CSMD1: variants seen among roughly 807,000 people sequenced by gnomAD.
The protein encoded by CSMD1 is CUB and sushi domain-containing protein 1.
Under a neutral mutation model 417.5 loss-of-function variants are expected in CSMD1, and 213 were observed. The ratio of observed to expected loss-of-function variants is 0.51; its 90% confidence interval spans 0.46 to 0.57. The LOEUF is 0.57. Among genes scored for constraint, CSMD1 ranks in the 20% least tolerant of loss-of-function variants. CSMD1 has a pLI of 0.00. For missense variants in CSMD1, 6,923 were observed against 4,529.7 expected (o/e 1.53, Z -15.17); for synonymous variants, 2,862 against 1,736.8 (o/e 1.65, Z -16.11).
rs575184565 is a variant in CSMD1 at position 4,198,237 on chromosome 8, C to A, written c.416-166138G>T. ...ACAAAGAGGTGCGGAGCACCACATC[C>A]CATTAAGTTATCCTCAACTCATTAT... is the stretch of plus-strand genomic sequence containing the variant. On this transcript the variant is annotated intron_variant, in intron 3 of 69. Coordinates refer to ENST00000635120, the MANE Select transcript of CSMD1 (RefSeq NM_033225.6). Among the ~76,000 whole-genome samples, 4 of 152,316 alleles carry A rather than the reference C, an allele frequency of 2.6e-5. No homozygotes were observed. In the South Asian group the frequency reaches 8.3e-4, roughly 32 times the overall value.
intron 6 of CSMD1, among the ~76,000 whole-genome samples, chr8:3,733,321 T>C (rs1796363702): frequency 6.8e-6 from 1 of 147,152 alleles, no homozygotes; most frequent in Non-Finnish European, 1.5e-5. Context: ...TACATATATG[T>C]ACAAATATAT....
chr8:4,019,481 T>C (rs905521583), intron 4 of CSMD1, among the ~76,000 whole-genome samples: 1 of 152,072 alleles, frequency 6.6e-6, no homozygotes. Flanking sequence ...GGCCCACTGT[T>C]TTACTGGGGC....
intron 6 of CSMD1, among the ~76,000 whole-genome samples, chr8:3,721,350 C>T (rs1267939994): frequency 5.9e-5 from 9 of 152,026 alleles, no homozygotes; most frequent in Admixed American, 3.9e-4. Flanking sequence ...TTACTAGTGA[C>T]GGCAGATGAA....
chr8:4,685,838 T>A (rs117570955), intron 1 of CSMD1, among the ~76,000 whole-genome samples: 44 of 152,318 alleles, frequency 2.9e-4, no homozygotes, highest in Admixed American at 2.2e-3. Flanking sequence ...CCATGACTCA[T>A]ATTTATAGGT....
chr8:3,840,735 G>C (rs1052372224), intron 5 of CSMD1, among the ~76,000 whole-genome samples: 1 of 144,688 alleles, frequency 6.9e-6, no homozygotes, highest in Non-Finnish European at 1.5e-5. Flanking sequence ...TGGCTCTGTC[G>C]TGTAGGCTGG....
chr8:3,355,036 C>A (rs184799828), intron 21 of CSMD1, among the ~76,000 whole-genome samples: 1 of 143,910 alleles, frequency 6.9e-6, no homozygotes, highest in Admixed American at 6.9e-5. Flanking sequence ...TTTTGTTTCA[C>A]TATGCTGTCG....
intron 1 of CSMD1, among the ~76,000 whole-genome samples, chr8:4,771,598 T>C (rs1239414967): frequency 1.3e-5 from 2 of 152,142 alleles, no homozygotes; most frequent in African/African-American, 4.8e-5. Context: ...AAATATTGAG[T>C]AATTAAATGT....
chr8:3,998,201 C>T, intron 4 of CSMD1, 91 bp from the exon 5 acceptor site: 2 of 1,176,290 alleles, frequency 1.7e-6, no homozygotes, highest in Non-Finnish European at 2.4e-6. Context: ...TGATCAGCGA[C>T]AAATATTTTC....
chr8:4,767,030 C>A (rs1036198284), intron 1 of CSMD1, among the ~76,000 whole-genome samples: 6 of 152,148 alleles, frequency 3.9e-5, no homozygotes, highest in African/African-American at 1.4e-4. Context: ...ATGGATACAA[C>A]TAAATAATAC....
chr8:4,260,830 C>T (rs923839967), intron 3 of CSMD1, among the ~76,000 whole-genome samples: 1 of 152,146 alleles, frequency 6.6e-6, no homozygotes, highest in African/African-American at 2.4e-5. Context: ...TTATGACACT[C>T]TTTGTCTCCA....
rs532017359 is a variant in CSMD1 at position 3,889,569 on chromosome 8, G to T, written c.818+108334C>A. Among the ~76,000 whole-genome samples, 58 of 145,226 alleles carry T rather than the reference G, an allele frequency of 4.0e-4. 2 individuals carry two copies. The Middle Eastern group carries it at 0.014, about 36-fold the overall frequency. ...TGTGTATATGTGTGTCTGTGTGTGTGTATGTGTATGTATACATATATGCTC... is the reference window on the plus strand; with the variant it reads ...TGTGTATATGTGTGTCTGTGTGTGTTTATGTGTATGTATACATATATGCTC... On this transcript the variant is annotated intron_variant, in intron 5 of 69. Transcript: ENST00000635120.
chr8:4,954,732 A>G (rs1808975457), intron 1 of CSMD1, among the ~76,000 whole-genome samples: 1 of 152,194 alleles, frequency 6.6e-6, no homozygotes, highest in African/African-American at 2.4e-5. Flanking sequence ...ATATGCAGAG[A>G]CTGGAGGATA....
chr8:3,484,188 T>G (rs1817896668), intron 11 of CSMD1, among the ~76,000 whole-genome samples: 1 of 152,344 alleles, frequency 6.6e-6, no homozygotes, highest in Non-Finnish European at 1.5e-5. Flanking sequence ...TAACATTTAC[T>G]AAACAGTTAT....
intron 1 of CSMD1, among the ~76,000 whole-genome samples, chr8:4,963,912 A>G (rs937609814): frequency 6.6e-6 from 1 of 152,102 alleles, no homozygotes. Context: ...TATTTTATAC[A>G]CCTCACTTAC....
At chr8:4,349,607 C>G (rs1187976203) in intron 3 of CSMD1, among the ~76,000 whole-genome samples, 1 of 152,106 alleles carries the variant, frequency 6.6e-6, no homozygotes, top group Non-Finnish European at 1.5e-5. Flanking sequence ...TCTTAGAAAG[C>G]TGTTACGTCT....
intron 1 of CSMD1, among the ~76,000 whole-genome samples, chr8:4,806,547 A>T (rs755144703): frequency 2.8e-4 from 43 of 152,218 alleles, no homozygotes; most frequent in Admixed American, 5.2e-4. Flanking sequence ...TGCTACTAGC[A>T]TATTAACAAA....
intron 3 of CSMD1, among the ~76,000 whole-genome samples, chr8:4,129,764 A>T (rs75543275): frequency 0.013 from 1,912 of 151,986 alleles, 40 homozygotes; most frequent in African/African-American, 0.044. Context: ...ATCCTGGAAA[A>T]TTTCTTCAAC....
intron 3 of CSMD1, among the ~76,000 whole-genome samples, chr8:4,333,277 G>C (rs576400797): frequency 2.0e-5 from 3 of 152,238 alleles, no homozygotes; most frequent in Admixed American, 6.5e-5. Context: ...CTGACGCTAA[G>C]TCCTCACCTG....
At chr8:3,037,465 C>T (rs566011732) in intron 50 of CSMD1, among the ~76,000 whole-genome samples, 2 of 152,092 alleles carry the variant, frequency 1.3e-5, no homozygotes, top group South Asian at 4.1e-4. Context: ...GCCTCGGCCT[C>T]CCTATACCGC....
Sources: allele counts gnomAD v4.1 joint callset (sites outside exome capture counted in the v4.1 genomes callset), GRCh38; gene constraint gnomAD v4.1.1; transcripts MANE v1.5; gene names NCBI Gene and HGNC (gene_info 2026-07-23, HGNC 2026-07-21).